The following PAFAH1B2 variants were observed in gnomAD, a reference collection of about 807,000 sequenced individuals.
PAFAH1B2 encodes the protein platelet activating factor acetylhydrolase 1b catalytic subunit 2.
Under a neutral mutation model 28.0 loss-of-function variants are expected in PAFAH1B2, and 8 were observed. That is an observed-to-expected ratio of 0.29 (90% CI 0.17 to 0.52). The LOEUF (loss-of-function observed/expected upper bound fraction) is 0.52. Among genes scored for constraint, PAFAH1B2 ranks in the 20% least tolerant of loss-of-function variants. The pLI is 0.97. For synonymous variants in PAFAH1B2, 104 were observed against 103.2 expected, an observed-to-expected ratio of 1.01 and a Z score of -0.05; for missense variants, 190 against 282.6, an observed-to-expected ratio of 0.67 and a Z score of 2.35.
chr11:117,149,430 G>GTTTTTTTTTTTTTTTTTTTTTTTTTTTTT (rs746125678), intron 1 of PAFAH1B2, among the ~76,000 whole-genome samples: 1 of 86,050 alleles, frequency 1.2e-5, no homozygotes, highest in Non-Finnish European at 2.2e-5. Flanking sequence ...TTTTCTAATC[G>GTTTTTTTTTTTTTTTTTTTTTTTTTTTTT]TTTTTTTTTT....
intron 4 of PAFAH1B2, among the ~76,000 whole-genome samples, chr11:117,162,791 C>T (rs1224525112): frequency 1.3e-5 from 2 of 151,750 alleles, no homozygotes; most frequent in South Asian, 2.1e-4. Flanking sequence ...AAAGTTGCAT[C>T]CAGCCTCCAC....
In PAFAH1B2 at chr11:117,169,443, A is replaced by C; in HGVS notation, c.*1744A>C. On this transcript the variant is annotated 3_prime_UTR_variant, in exon 6 of 6. Transcript: ENST00000527958. ...TGCAGTGATTCCGCTTAATGTTTAA[A>C]TTCAGTAACGTACTTGAAAGGCAAA... The C allele has an allele frequency of 9.5e-7, 1 of 1,053,008 alleles. No homozygotes were observed. Among genetic ancestry groups the C allele is most frequent in the African/African-American group, 1.7e-5 (1 of 60,478 alleles). 65.2% of individuals were successfully genotyped at this position (1,053,008 alleles called of 1,614,324 possible). A position where few individuals can be genotyped will look rare whatever the true frequency, so the allele number is the denominator to read the frequency against.
Position 117,168,176 on chromosome 11 carries a change from C to T in PAFAH1B2, c.*477C>T. The T allele has an allele frequency of 9.6e-7, 1 of 1,046,726 alleles. No individual in the cohort carries two copies. Among genetic ancestry groups the T allele is most frequent in the Non-Finnish European group, 1.2e-6 (1 of 864,740 alleles). 64.8% of individuals were successfully genotyped at this position (1,046,726 alleles called of 1,614,324 possible). Reference sequence around the variant, plus strand: ...TATGTTGCTTAGATTCTTATGTATACTGAATATTTTATTAACATGTAGCAT... The same window carrying T: ...TATGTTGCTTAGATTCTTATGTATATTGAATATTTTATTAACATGTAGCAT... On this transcript the variant is annotated 3_prime_UTR_variant, in exon 6 of 6. Transcript: ENST00000527958.
chr11:117,152,036 A>T (rs887960426), intron 1 of PAFAH1B2, among the ~76,000 whole-genome samples: 13 of 152,188 alleles, frequency 8.5e-5, no homozygotes, highest in Non-Finnish European at 1.6e-4. Context: ...TAACAGTAGT[A>T]AGTGTGTAAC....
At chr11:117,153,961 T>C (rs1197001392) in intron 2 of PAFAH1B2, among the ~76,000 whole-genome samples, 2 of 151,328 alleles carry the variant, frequency 1.3e-5, no homozygotes, top group East Asian at 3.9e-4. Flanking sequence ...CAGTATACAG[T>C]GGCTCATGCC....
chr11:117,149,504 G>T (rs1956097696), intron 1 of PAFAH1B2, among the ~76,000 whole-genome samples: 1 of 128,440 alleles, frequency 7.8e-6, no homozygotes, highest in Non-Finnish European at 1.6e-5. Flanking sequence ...TCGGCTTACT[G>T]CAAGCTCGGC....
At chr11:117,173,288 C>T (rs982534202), downstream of PAFAH1B2, among the ~76,000 whole-genome samples, 1 of 152,152 alleles carries the variant, frequency 6.6e-6, no homozygotes, top group African/African-American at 2.4e-5. Context: ...TGACCTATCT[C>T]TAGGAGAAAG....
chr11:117,149,877 G>A (rs546464017), intron 1 of PAFAH1B2, among the ~76,000 whole-genome samples: 1 of 152,192 alleles, frequency 6.6e-6, no homozygotes, highest in South Asian at 2.1e-4. Context: ...ATTCTAGGCC[G>A]AGCTCAGGAG....
At chr11:117,152,365 C>A in intron 1 of PAFAH1B2, 76 bp from the exon 2 acceptor site, 2 of 819,784 alleles carry the variant, frequency 2.4e-6, no homozygotes, top group South Asian at 1.5e-5. Context: ...TATTTAAAGC[C>A]TGATGTGTAT....
In PAFAH1B2 at chr11:117,163,802, C is replaced by CG; in HGVS notation, c.322dup (p.Glu108GlyfsTer37). The CG allele has an allele frequency of 6.2e-7, 1 of 1,613,802 alleles. No homozygotes were observed. The highest frequency in any genetic ancestry group is 8.5e-7 in the Non-Finnish European group (1 of 1,179,874). On this transcript the variant is annotated frameshift_variant, in exon 5 of 6. Transcript: ENST00000527958. LOFTEE classifies it high-confidence loss of function. ...TTGTCTGGGTAGGAACAAATAACCA[C>CG]GAAAATACAGCAGAAGAAGTAGCAG... is the stretch of plus-strand genomic sequence containing the variant.
At chr11:117,146,065 A>G (rs1399227276) in intron 1 of PAFAH1B2, among the ~76,000 whole-genome samples, 1 of 151,944 alleles carries the variant, frequency 6.6e-6, no homozygotes, top group Non-Finnish European at 1.5e-5. Flanking sequence ...GCAAATTAAC[A>G]AAACTTGTTC....
chr11:117,165,872 C>G lies in PAFAH1B2; in HGVS notation c.412-1549C>G, dbSNP rs561637880. ...TTTTTTAATTTGAGATGGAGTCTCGCTCTACTGCCCAGGCTGGAGTGCAGT... is the reference window on the plus strand; with the variant it reads ...TTTTTTAATTTGAGATGGAGTCTCGGTCTACTGCCCAGGCTGGAGTGCAGT... On this transcript the variant is annotated intron_variant, in intron 5 of 5. Transcript: ENST00000527958. 9.3e-5 allele frequency among the ~76,000 whole-genome samples: 14 copies of G among 150,070 alleles called. No individual in the cohort carries two copies. In the South Asian group the frequency reaches 3.0e-3, roughly 32 times the overall value.
At chr11:117,161,308 T>G (rs2134199246) in intron 4 of PAFAH1B2, 47 bp downstream of exon 4, 1 of 1,215,470 alleles carries the variant, frequency 8.2e-7, no homozygotes, top group South Asian at 1.4e-5. Context: ...AAGTCTGTTT[T>G]GGATAGTTAA....
At chr11:117,152,970 G>A (rs1162929638) in intron 2 of PAFAH1B2, among the ~76,000 whole-genome samples, 1 of 152,074 alleles carries the variant, frequency 6.6e-6, no homozygotes, top group African/African-American at 2.4e-5. Flanking sequence ...GGAGGCTGAG[G>A]CAGGAGAATC....
intron 2 of PAFAH1B2, among the ~76,000 whole-genome samples, chr11:117,156,858 T>C (rs1956265515): frequency 6.6e-6 from 1 of 151,644 alleles, no homozygotes; most frequent in South Asian, 2.1e-4. Context: ...TTACAAAAAA[T>C]GCCAAAAATA....
intron 2 of PAFAH1B2, among the ~76,000 whole-genome samples, chr11:117,157,078 C>A (rs1956270761): frequency 6.6e-6 from 1 of 150,652 alleles, no homozygotes. Flanking sequence ...ACAGTACCTG[C>A]AATAGGGAGT....
chr11:117,175,060 C>A, downstream of PAFAH1B2: 1 of 1,304,728 alleles, frequency 7.7e-7, no homozygotes, highest in African/African-American at 1.5e-5. Context: ...TTGAATGGTC[C>A]CATTTCTTTG....
chr11:117,157,408 C>T (rs1378361182), intron 2 of PAFAH1B2, among the ~76,000 whole-genome samples: 1 of 151,936 alleles, frequency 6.6e-6, no homozygotes, highest in Non-Finnish European at 1.5e-5. Context: ...TCACAGAGGC[C>T]TAGGATTACA....
chr11:117,154,317 A>G (rs760445324), intron 2 of PAFAH1B2, among the ~76,000 whole-genome samples: 44 of 152,238 alleles, frequency 2.9e-4, no homozygotes, highest in Non-Finnish European at 5.3e-4. Context: ...AAAGAAAAGT[A>G]GTAACTAAAC....
Sources: allele counts gnomAD v4.1 joint callset (sites outside exome capture counted in the v4.1 genomes callset), GRCh38; gene constraint gnomAD v4.1.1; transcripts MANE v1.5; gene names NCBI Gene and HGNC (gene_info 2026-07-23, HGNC 2026-07-21).